Variants in ZSCAN20 observed in about 807,000 individuals in gnomAD.
ZSCAN20 encodes the protein zinc finger and SCAN domain-containing protein 20.
ZSCAN20 carries 39 observed loss-of-function variants against 97.1 expected under a neutral mutation model. That is an observed-to-expected ratio of 0.40 (90% CI 0.31 to 0.52). The LOEUF (loss-of-function observed/expected upper bound fraction) is 0.52, where lower values mean the gene tolerates loss of function less well. ZSCAN20 is among the 20% of genes least tolerant of loss of function. The pLI is 0.49. For missense variants in ZSCAN20, 1,115 were observed against 1,290.4 expected (o/e 0.86, Z 2.08); for synonymous variants, 456 against 467.3 (o/e 0.98, Z 0.31).
Position 33,491,226 on chromosome 1 carries a change from G to A in ZSCAN20, c.968G>A (p.Gly323Asp), listed in dbSNP as rs1010212217. 2.5e-6 allele frequency: 4 copies of A among 1,614,072 alleles called. No homozygotes were observed. The highest frequency in any genetic ancestry group is 3.4e-6 in the Non-Finnish European group (4 of 1,180,054). Residue 323 changes from glycine (G) to aspartate (D), a missense_variant, in exon 6 of 8, where the codon GGT becomes GAT. Transcript: ENST00000684572. The surrounding 1 kb of genome is among the most constrained non-coding windows in gnomAD (Gnocchi z 4.3). The part of the protein sequence containing the change: ...QWDVEDMKVS[G>D]VHWGYEETKT... ...GATGTGGAGGACATGAAGGTGTCAG[G>A]TGTTCACTGGGGCTATGAGGAGACC...
rs1251138401 is a variant in ZSCAN20, at chr1:33,494,527, A to G, written c.2183A>G (p.His728Arg). The G allele has an allele frequency of 1.9e-6, 3 of 1,614,114 alleles. No individual in the cohort carries two copies. The highest frequency in any genetic ancestry group is 2.5e-6 in the Non-Finnish European group (3 of 1,180,058). ...AGTCGGAGCTCCCACTTCATTGCCC[A>G]TCAGCGAATCCACACAGGTGAGAAG... Reference protein sequence around the residue: ...SFSRSSHFIAHQRIHTGEKPY... With the variant: ...SFSRSSHFIARQRIHTGEKPY... The change falls in exon 8 of 8, where the codon CAT becomes CGT. Residue 728 changes from histidine (H) to arginine (R), a missense_variant. Physicochemically the swap from His to Arg is conservative, Grantham distance 29. Transcript: ENST00000684572.
intron 1 of ZSCAN20, among the ~76,000 whole-genome samples, chr1:33,478,054 G>C (rs1652002063): frequency 6.6e-6 from 1 of 152,160 alleles, no homozygotes; most frequent in Admixed American, 6.5e-5. Context: ...TGTGCTTCTG[G>C]AGCACCATGA....
chr1:33,481,883 T>C (rs187600838), intron 2 of ZSCAN20, among the ~76,000 whole-genome samples: 1 of 152,284 alleles, frequency 6.6e-6, no homozygotes, highest in Non-Finnish European at 1.5e-5. Context: ...AAAAACAGGC[T>C]TTATTTTTTA....
intron 2 of ZSCAN20, 32 bp downstream of exon 2, chr1:33,479,737 TG>T: frequency 6.8e-7 from 1 of 1,470,322 alleles, no homozygotes. Flanking sequence ...TGCAGAGGAG[TG>T]GGTCAGGCAA....
Position 33,496,518 on chromosome 1 carries a change from G to A in ZSCAN20, c.*1042G>A, listed in dbSNP as rs1431084419. The A allele has an allele frequency of 6.6e-6, 1 of 152,186 alleles. No homozygotes were observed. The highest frequency in any genetic ancestry group is 1.5e-5 in the Non-Finnish European group (1 of 68,028). 9.4% of individuals were successfully genotyped at this position (152,186 alleles called of 1,614,324 possible). A position where few individuals can be genotyped will look rare whatever the true frequency, so the allele number is the denominator to read the frequency against. ...AGATTGGGAAAAATATGCGGCCTAA[G>A]TAATTTTTCTTCCAATAAGATACTG... On this transcript the variant is annotated 3_prime_UTR_variant, in exon 8 of 8. Coordinates refer to ENST00000684572, the MANE Select transcript of ZSCAN20 (RefSeq NM_001377376.1).
At chr1:33,476,893 C>T (rs553015453) in intron 1 of ZSCAN20, among the ~76,000 whole-genome samples, 23 of 152,248 alleles carry the variant, frequency 1.5e-4, no homozygotes, top group South Asian at 8.3e-4. Context: ...GCTTTTGATA[C>T]GCCAGGTTTA....
chr1:33,474,826 C>T (rs1447194582), intron 1 of ZSCAN20, among the ~76,000 whole-genome samples: 1 of 152,190 alleles, frequency 6.6e-6, no homozygotes, highest in East Asian at 1.9e-4. Flanking sequence ...GTAGTGCCCA[C>T]CCAGTTCATT....
rs914811726 is a variant in ZSCAN20, at chr1:33,498,877, G to A, written c.*3401G>A. 6.6e-6 allele frequency among the ~76,000 whole-genome samples: 1 copy of A among 152,200 alleles called. No individual in the cohort carries two copies. The highest frequency in any genetic ancestry group is 6.5e-5 in the Admixed American group (1 of 15,270). ...CCTCCCATTCCTCAGACCCCCAGAG[G>A]CAGCAGACCCAAAGGTAGGGGCAGG... On this transcript the variant is annotated 3_prime_UTR_variant, in exon 8 of 8. Coordinates refer to ENST00000684572, the MANE Select transcript of ZSCAN20 (RefSeq NM_001377376.1).
rs764404228 is a variant in ZSCAN20, at chr1:33,489,185, G to A, written c.675G>A (p.Glu225=). ...GSVGDWEVTA[E]SQEALGPGKH... ...TTGGAGATTGGGAGGTGACAGCTGA[G>A]TCCCAGGTAAGCTGTTACTCGTTCT... The change falls in exon 4 of 8, where the codon GAG becomes GAA. Residue 225 remains glutamate, a synonymous_variant. Coordinates refer to ENST00000684572, the MANE Select transcript of ZSCAN20 (RefSeq NM_001377376.1). The A allele has an allele frequency of 3.1e-6, 5 of 1,613,548 alleles. No homozygotes were observed. The African/African-American group carries it at 6.7e-5, about 22-fold the overall frequency.
Position 33,495,008 on chromosome 1 carries a change from T to C in ZSCAN20, c.2664T>C (p.Ser888=), listed in dbSNP as rs372286623. 34 of 1,613,982 alleles carry C rather than the reference T, an allele frequency of 2.1e-5. No individual in the cohort carries two copies. Among genetic ancestry groups the C allele is most frequent in the Non-Finnish European group, 2.9e-5 (34 of 1,179,992 alleles). The part of the protein sequence containing the change: ...SECGRSFSKS[S]ALISHQRIHT... ...GTGGAAGAAGCTTCTCTAAGAGCTC[T>C]GCCCTCATTAGTCACCAAAGAATCC... Residue 888 remains serine, a synonymous_variant, in exon 8 of 8, where the codon TCT becomes TCC. Transcript: ENST00000684572.
In ZSCAN20 at chr1:33,495,361, A is replaced by G; in HGVS notation, c.3017A>G (p.Gln1006Arg). The G allele has an allele frequency of 1.2e-6, 2 of 1,613,588 alleles. No individual in the cohort carries two copies. Among genetic ancestry groups the G allele is most frequent in the South Asian group, 2.2e-5 (2 of 90,986 alleles). ...CAGAGCTCCAGTCTTATTATTCACC[A>G]GAGAATCCACACAGGGGAGAAACCC... ...FNQSSSLIIHQRIHTGEKPYK... is the reference protein window; with the variant it reads ...FNQSSSLIIHRRIHTGEKPYK... Residue 1006 changes from glutamine (Q) to arginine (R), a missense_variant, in exon 8 of 8, where the codon CAG becomes CGG. Coordinates refer to ENST00000684572, the MANE Select transcript of ZSCAN20 (RefSeq NM_001377376.1).
At chr1:33,494,167 A>G in intron 7 of ZSCAN20, 51 bp from the exon 8 acceptor site, 1 of 1,484,848 alleles carries the variant, frequency 6.7e-7, no homozygotes, top group Non-Finnish European at 9.0e-7. Context: ...AAACACACAC[A>G]CACGCGCGCT....
chr1:33,489,650 ACCCAGTTC>A, intron 5 of ZSCAN20, 48 bp downstream of exon 5: 1 of 1,557,232 alleles, frequency 6.4e-7, no homozygotes. Flanking sequence ...CTTCTGATAC[ACCCAGTTC>A]CCAAAGAGGG....
At chr1:33,487,612 C>A (rs955350171) in intron 2 of ZSCAN20, among the ~76,000 whole-genome samples, 1 of 151,548 alleles carries the variant, frequency 6.6e-6, no homozygotes, top group African/African-American at 2.4e-5. Flanking sequence ...GTAAGATTAA[C>A]AACACGTACT....
At chr1:33,490,693 C>G (rs1325040004) in intron 5 of ZSCAN20, among the ~76,000 whole-genome samples, 1 of 142,470 alleles carries the variant, frequency 7.0e-6, no homozygotes, top group Non-Finnish European at 1.6e-5. Flanking sequence ...ACCACACACC[C>G]TTTTCCTCCA....
At chr1:33,489,077 C>A in intron 3 of ZSCAN20, 38 bp from the exon 4 acceptor site, 1 of 1,575,292 alleles carries the variant, frequency 6.3e-7, no homozygotes, top group Non-Finnish European at 8.7e-7. Flanking sequence ...TTTTTGGGAA[C>A]CAGAGCTTGG....
chr1:33,475,328 G>A (rs547412880), intron 1 of ZSCAN20, among the ~76,000 whole-genome samples: 5 of 152,280 alleles, frequency 3.3e-5, no homozygotes, highest in African/African-American at 1.2e-4. Flanking sequence ...TATTCTAAGG[G>A]TGAAAATCAC....
At position 33,493,614 on chromosome 1, in the gene ZSCAN20, G is replaced by A; in HGVS notation, c.1872G>A (p.Met624Ile). 1.9e-6 allele frequency: 3 copies of A among 1,562,884 alleles called. No individual in the cohort carries two copies. Among genetic ancestry groups the A allele is most frequent in the Non-Finnish European group, 2.6e-6 (3 of 1,152,472 alleles). ...PSTLCPKAPD[M>I]GFEMRHEDED... Reference sequence around the variant, plus strand: ...CCTTGTGTCCTAAAGCCCCAGACATGGGTAAGCCTGGAGTAATTGGATGTT... The same window carrying A: ...CCTTGTGTCCTAAAGCCCCAGACATAGGTAAGCCTGGAGTAATTGGATGTT... The change falls in exon 7 of 8, where the codon ATG (methionine) becomes ATA (isoleucine). Residue 624 changes from methionine (M) to isoleucine (I), a missense_variant and splice_region_variant. By Grantham distance (10) the Met-to-Ile change is conservative. Transcript: ENST00000684572. The surrounding 1 kb of genome is among the most constrained non-coding windows in gnomAD (Gnocchi z 4.3).
intron 5 of ZSCAN20, 149 bp from the exon 6 acceptor site, chr1:33,490,876 C>A: frequency 1.5e-6 from 1 of 668,764 alleles, no homozygotes; most frequent in Non-Finnish European, 2.5e-6. Flanking sequence ...CCTCTTCTCT[C>A]TCCCTATTCC....
Sources: gnomAD v4.1 joint callset for allele counts (sites outside exome capture counted in the v4.1 genomes callset) on GRCh38, gnomAD v4.1.1 for gene constraint, Gnocchi (gnomAD v3.1) non-coding constraint, MANE v1.5 for transcripts, NCBI Gene and HGNC (gene_info 2026-07-23, HGNC 2026-07-21) for gene names.